CACNA2D1: variants seen among roughly 807,000 people sequenced by gnomAD.
The protein encoded by CACNA2D1 is voltage-dependent calcium channel subunit alpha-2/delta-1.
CACNA2D1 carries 53 observed loss-of-function variants against 171.5 expected under a neutral mutation model. The ratio of observed to expected loss-of-function variants is 0.31; its 90% CI spans 0.25 to 0.39. The LOEUF is 0.39. Ranked by LOEUF, CACNA2D1 falls within the 10% of genes least tolerant of loss-of-function variation. The pLI is 1.00. For synonymous variants in CACNA2D1, 442 were observed against 443.1 expected, an observed-to-expected ratio of 1.00 and a Z score of 0.03; for missense variants, 903 against 1,299.8, an observed-to-expected ratio of 0.69 and a Z score of 4.69.
chr7:82,327,489 T>C (rs1019678904), intron 3 of CACNA2D1, among the ~76,000 whole-genome samples: 1 of 152,240 alleles, frequency 6.6e-6, no homozygotes, highest in Non-Finnish European at 1.5e-5. Context: ...CACCATTGTA[T>C]ATAAAAGTGT....
chr7:82,182,797 G>T (rs1797275838), intron 3 of CACNA2D1, among the ~76,000 whole-genome samples: 1 of 152,000 alleles, frequency 6.6e-6, no homozygotes, highest in Non-Finnish European at 1.5e-5. Flanking sequence ...CAGCACTTTG[G>T]GAGGATGAGG....
intron 11 of CACNA2D1, among the ~76,000 whole-genome samples, chr7:82,034,967 T>G (rs1027526377): frequency 7.2e-5 from 11 of 152,128 alleles, no homozygotes; most frequent in Admixed American, 2.6e-4. Flanking sequence ...GGACTTGTGG[T>G]GGAGCCAAGT....
At chr7:82,165,420 G>C (rs1795345598) in intron 4 of CACNA2D1, among the ~76,000 whole-genome samples, 1 of 151,924 alleles carries the variant, frequency 6.6e-6, no homozygotes, top group African/African-American at 2.4e-5. Flanking sequence ...ATTAAAAATT[G>C]TTAACTGTGA....
intron 3 of CACNA2D1, among the ~76,000 whole-genome samples, chr7:82,189,299 G>A (rs749620226): frequency 6.6e-6 from 1 of 151,966 alleles, no homozygotes; most frequent in African/African-American, 2.4e-5. Flanking sequence ...TACTTAGTGG[G>A]CAAGCAGTAA....
At chr7:82,159,415 C>T (rs371167742) in intron 4 of CACNA2D1, among the ~76,000 whole-genome samples, 1 of 151,892 alleles carries the variant, frequency 6.6e-6, no homozygotes, top group East Asian at 1.9e-4. Flanking sequence ...TCAGCATCTT[C>T]TCCTTTTAAT....
intron 1 of CACNA2D1, among the ~76,000 whole-genome samples, chr7:82,363,254 C>CTTTTTTTTTTTTTTTTTTTTTTT (rs35419275): frequency 7.9e-5 from 5 of 63,420 alleles, no homozygotes; most frequent in African/African-American, 3.3e-4. Context: ...TTATTTGTCT[C>CTTTTTTTTTTTTTTTTTTTTTTT]TTTTTTTTTT....
intron 6 of CACNA2D1, among the ~76,000 whole-genome samples, chr7:82,110,371 G>C (rs997334040): frequency 6.6e-6 from 1 of 152,140 alleles, no homozygotes; most frequent in African/African-American, 2.4e-5. Context: ...CTCTCTGCTA[G>C]TGCAGAAGAG....
At chr7:82,348,438 T>A (rs990352202) in intron 2 of CACNA2D1, among the ~76,000 whole-genome samples, 1 of 152,132 alleles carries the variant, frequency 6.6e-6, no homozygotes, top group Non-Finnish European at 1.5e-5. Flanking sequence ...TGTTTATCCT[T>A]GGCAGCCTGC....
intron 7 of CACNA2D1, among the ~76,000 whole-genome samples, chr7:82,067,416 T>G (rs577778345): frequency 6.6e-6 from 1 of 152,286 alleles, no homozygotes; most frequent in East Asian, 1.9e-4. Flanking sequence ...CTGTGGAAAT[T>G]ATGAAGAACT....
At position 81,949,057 on chromosome 7, in the gene CACNA2D1, G is replaced by C. The variant is rs916754697; in HGVS notation, c.*1335C>G. The C allele has an allele frequency of 2.6e-5, 4 of 151,916 alleles. No individual in the cohort carries two copies. Among genetic ancestry groups the C allele is most frequent in the African/African-American group, 7.2e-5 (3 of 41,394 alleles). The allele number at this position is 151,916 out of a possible 1,614,324, so 9.4% of individuals were successfully genotyped here. A position where few individuals can be genotyped will look rare whatever the true frequency, so the allele number is the denominator to read the frequency against. ...ACTTGCATGGAAATTTTGGCCAAAC[G>C]ATCATACCATTTAAAATGGAAGGGC... On this transcript the variant is annotated 3_prime_UTR_variant, in exon 39 of 39. Transcript: ENST00000356860.
chr7:82,004,729 G>T (rs756856370), intron 18 of CACNA2D1, among the ~76,000 whole-genome samples: 1 of 152,054 alleles, frequency 6.6e-6, no homozygotes, highest in Admixed American at 6.6e-5. Context: ...ATTATAAGAC[G>T]TCTAAATAAA....
intron 3 of CACNA2D1, among the ~76,000 whole-genome samples, chr7:82,187,995 T>A (rs996946018): frequency 1.2e-4 from 19 of 152,322 alleles, no homozygotes; most frequent in Middle Eastern, 3.4e-3. Context: ...TTCCACTTAT[T>A]ATATCTAATC....
chr7:82,174,915 T>A (rs7801912), intron 3 of CACNA2D1, among the ~76,000 whole-genome samples: 6,285 of 152,118 alleles, frequency 0.041, 422 homozygotes, highest in African/African-American at 0.14. Context: ...GTCTATTCAT[T>A]CTCAACCTTT....
chr7:82,006,867 T>A (rs1454350774), intron 16 of CACNA2D1, among the ~76,000 whole-genome samples: 3 of 152,090 alleles, frequency 2.0e-5, no homozygotes, highest in Admixed American at 2.0e-4. Flanking sequence ...TAATAACTGA[T>A]CAAACAATGC....
In CACNA2D1 at chr7:82,266,488, C is replaced by T. The variant is rs1258803635; in HGVS notation, c.294+68647G>A. ...CCTAAATGCAGTAGGTCAGTGCTTC[C>T]TAACAGAAGTCTACTGGCAAGAAAG... On this transcript the variant is annotated intron_variant, in intron 3 of 38. Transcript: ENST00000356860. Among the ~76,000 whole-genome samples, 5 of 151,898 alleles carry T rather than the reference C, an allele frequency of 3.3e-5. No homozygotes were observed. The South Asian group carries it at 6.2e-4, about 19-fold the overall frequency.
chr7:82,432,322 A>G (rs1829755582), intron 1 of CACNA2D1, among the ~76,000 whole-genome samples: 1 of 152,210 alleles, frequency 6.6e-6, no homozygotes. Context: ...CTGCAATGGT[A>G]CCAATGAGAT....
At chr7:82,198,214 C>T (rs185200921) in intron 3 of CACNA2D1, among the ~76,000 whole-genome samples, 31 of 152,156 alleles carry the variant, frequency 2.0e-4, no homozygotes, top group Admixed American at 1.4e-3. Flanking sequence ...GCTATTAAGG[C>T]CCATATTTTA....
At chr7:82,194,208 T>A (rs900050793) in intron 3 of CACNA2D1, among the ~76,000 whole-genome samples, 4 of 152,014 alleles carry the variant, frequency 2.6e-5, no homozygotes, top group Admixed American at 2.6e-4. Context: ...TCCGTAGGGC[T>A]GGGTTATCAA....
chr7:82,313,589 C>T (rs1814740151), intron 3 of CACNA2D1, among the ~76,000 whole-genome samples: 1 of 152,196 alleles, frequency 6.6e-6, no homozygotes, highest in Non-Finnish European at 1.5e-5. Context: ...TGCCATGCTC[C>T]AAGCTCCTAC....
Sources: gnomAD v4.1 joint callset for allele counts (sites outside exome capture counted in the v4.1 genomes callset) on GRCh38, gnomAD v4.1.1 for gene constraint, MANE v1.5 for transcripts, NCBI Gene and HGNC (gene_info 2026-07-23, HGNC 2026-07-21) for gene names.